SIPA1L1: variants seen among roughly 807,000 people sequenced by gnomAD.
The protein encoded by SIPA1L1 is signal-induced proliferation-associated 1-like protein 1.
Under a neutral mutation model 162.7 loss-of-function variants are expected in SIPA1L1, and 26 were observed. The ratio of observed to expected loss-of-function variants is 0.16; its 90% CI spans 0.12 to 0.22. SIPA1L1 has a LOEUF of 0.22. Ranked by LOEUF, SIPA1L1 falls within the 10% of genes least tolerant of loss-of-function variation. The probability of loss-of-function intolerance (pLI) is 1.00; values close to 1 mark genes in which losing one functional copy is unlikely to be tolerated. For synonymous variants in SIPA1L1, 829 were observed against 837.4 expected (o/e 0.99, Z 0.17); for missense variants, 1,874 against 2,241.0 (o/e 0.84, Z 3.31).
At chr14:71,642,364 G>C (rs1455421689) in intron 7 of SIPA1L1, among the ~76,000 whole-genome samples, 1 of 152,164 alleles carries the variant, frequency 6.6e-6, no homozygotes, top group African/African-American at 2.4e-5. Flanking sequence ...GAGAATCAGG[G>C]AGGAGAGAGC....
intron 2 of SIPA1L1, among the ~76,000 whole-genome samples, chr14:71,359,233 C>G (rs994668562): frequency 6.6e-6 from 1 of 152,148 alleles, no homozygotes; most frequent in Non-Finnish European, 1.5e-5. Flanking sequence ...AAGGGCAGTT[C>G]CCCTGCACAC....
At chr14:71,721,547 G>A (rs2083734348) in intron 17 of SIPA1L1, among the ~76,000 whole-genome samples, 1 of 152,228 alleles carries the variant, frequency 6.6e-6, no homozygotes, top group African/African-American at 2.4e-5. Flanking sequence ...TTCTGGCCCT[G>A]GGTGGGTCTG....
At chr14:71,461,657 A>G (rs56178417) in intron 2 of SIPA1L1, among the ~76,000 whole-genome samples, 3,105 of 152,330 alleles carry the variant, frequency 0.02, 48 homozygotes, top group Non-Finnish European at 0.031. Context: ...GCTACAGCCT[A>G]TGAATCAGTA....
At chr14:71,513,516 C>G (rs1299788958) in intron 3 of SIPA1L1, among the ~76,000 whole-genome samples, 3 of 152,114 alleles carry the variant, frequency 2.0e-5, no homozygotes, top group African/African-American at 7.2e-5. Context: ...GAGGCAGGGT[C>G]TCGCTCTGTT....
intron 2 of SIPA1L1, chr14:71,503,780 TC>T (rs1308509413): frequency 6.6e-6 from 1 of 152,130 alleles, no homozygotes; most frequent in Non-Finnish European, 1.5e-5. Flanking sequence ...TAGTTACTTA[TC>T]TAGTATTTCT....
intron 4 of SIPA1L1, among the ~76,000 whole-genome samples, chr14:71,572,107 G>A (rs139174728): frequency 6.6e-6 from 1 of 152,044 alleles, no homozygotes; most frequent in Admixed American, 6.6e-5. Flanking sequence ...GCTAGCTCAG[G>A]TCTCTCTTCC....
At chr14:71,381,952 C>A (rs944544472) in intron 2 of SIPA1L1, among the ~76,000 whole-genome samples, 8 of 152,058 alleles carry the variant, frequency 5.3e-5, no homozygotes, top group Non-Finnish European at 1.0e-4. Flanking sequence ...TCTGCTTTAT[C>A]CTATTTTCTC....
chr14:71,448,418 G>A (rs1000008435), intron 2 of SIPA1L1, among the ~76,000 whole-genome samples: 2 of 152,182 alleles, frequency 1.3e-5, no homozygotes, highest in African/African-American at 4.8e-5. Flanking sequence ...GGCCCAGAGA[G>A]GTTAAGCAAC....
intron 4 of SIPA1L1, among the ~76,000 whole-genome samples, chr14:71,544,875 CTAACTT>C (rs941898712): frequency 1.4e-4 from 21 of 152,200 alleles, no homozygotes; most frequent in African/African-American, 4.8e-4. Flanking sequence ...ATTAAGTTCT[CTAACTT>C]TATATTTTTT....
intron 2 of SIPA1L1, among the ~76,000 whole-genome samples, chr14:71,333,868 A>T (rs879732216): frequency 1.4e-3 from 210 of 152,264 alleles, no homozygotes; most frequent in Non-Finnish European, 2.5e-3. Context: ...TCTATAGGTG[A>T]GATATGATAG....
intron 7 of SIPA1L1, among the ~76,000 whole-genome samples, chr14:71,647,896 G>A (rs923947406): frequency 2.3e-5 from 3 of 127,860 alleles, no homozygotes; most frequent in African/African-American, 9.7e-5. Context: ...GTTTTACCCT[G>A]ATTTTTTTTT....
At position 71,395,744 on chromosome 14, in the gene SIPA1L1, A is replaced by G. The variant is rs188681176; in HGVS notation, c.-465+74563A>G. On this transcript the variant is annotated intron_variant, in intron 2 of 23. Coordinates refer to ENST00000381232, the MANE Select transcript of SIPA1L1 (RefSeq NM_001386936.1). ...TCCTCTTGTGGGCTTGAAGACCAGGACTGTGTCAGCACCAGTGTTGTTTCC... is the reference window on the plus strand; with the variant it reads ...TCCTCTTGTGGGCTTGAAGACCAGGGCTGTGTCAGCACCAGTGTTGTTTCC... Among the ~76,000 whole-genome samples the G allele has an allele frequency of 1.1e-4, 17 of 152,338 alleles. 1 individual carries two copies. The South Asian group carries it at 1.2e-3, about 11-fold the overall frequency.
At chr14:71,671,782 C>A in intron 11 of SIPA1L1, 90 bp downstream of exon 11, 1 of 904,314 alleles carries the variant, frequency 1.1e-6, no homozygotes, top group Non-Finnish European at 1.6e-6. Context: ...ACCTTGTGCT[C>A]TGTTATTAGC....
At chr14:71,705,994 T>C (rs560870805) in intron 16 of SIPA1L1, among the ~76,000 whole-genome samples, 81 of 152,230 alleles carry the variant, frequency 5.3e-4, no homozygotes, top group African/African-American at 1.9e-3. Context: ...TTGGTGTGTC[T>C]GTTCACTGGA....
intron 2 of SIPA1L1, among the ~76,000 whole-genome samples, chr14:71,420,146 C>T (rs923127929): frequency 1.3e-5 from 2 of 152,106 alleles, no homozygotes; most frequent in Non-Finnish European, 2.9e-5. Context: ...TATTTTATAT[C>T]TATTATGTAG....
chr14:71,572,399 T>C (rs536860149), intron 4 of SIPA1L1, among the ~76,000 whole-genome samples: 1 of 152,362 alleles, frequency 6.6e-6, no homozygotes, highest in South Asian at 2.1e-4. Context: ...AAGCTAGGCA[T>C]GCTAAGACTC....
chr14:71,437,758 G>A (rs1338634550), intron 2 of SIPA1L1, among the ~76,000 whole-genome samples: 1 of 152,112 alleles, frequency 6.6e-6, no homozygotes, highest in Non-Finnish European at 1.5e-5. Flanking sequence ...TTTACTTTTA[G>A]TGATGCTGAA....
At chr14:71,324,590 A>C (rs1056936869) in intron 2 of SIPA1L1, among the ~76,000 whole-genome samples, 1 of 152,260 alleles carries the variant, frequency 6.6e-6, no homozygotes, top group African/African-American at 2.4e-5. Flanking sequence ...TTACAGAAAA[A>C]GAAAATATGA....
intron 2 of SIPA1L1, among the ~76,000 whole-genome samples, chr14:71,381,926 G>T (rs1197034804): frequency 6.6e-6 from 1 of 152,152 alleles, no homozygotes; most frequent in Non-Finnish European, 1.5e-5. Flanking sequence ...TAGAGATGGG[G>T]TAGTACTGTC....
Sources: allele counts gnomAD v4.1 joint callset (sites outside exome capture counted in the v4.1 genomes callset), GRCh38; gene constraint gnomAD v4.1.1; transcripts MANE v1.5; gene names NCBI Gene and HGNC (gene_info 2026-07-23, HGNC 2026-07-21).